SULF1: variants seen among roughly 807,000 people sequenced by gnomAD.
SULF1 encodes extracellular sulfatase Sulf-1.
In SULF1, 46 loss-of-function variants were observed where a neutral mutation model predicts 110.5. The ratio of observed to expected loss-of-function variants is 0.42; its 90% CI spans 0.33 to 0.53. The LOEUF (loss-of-function observed/expected upper bound fraction) is 0.53, where lower values mean the gene tolerates loss of function less well. Among genes scored for constraint, SULF1 ranks in the 20% least tolerant of loss-of-function variants. The pLI is 0.12. For synonymous variants in SULF1, 371 were observed against 387.1 expected, an observed-to-expected ratio of 0.96 and a Z score of 0.49; for missense variants, 941 against 1,094.2, an observed-to-expected ratio of 0.86 and a Z score of 1.98.
chr8:69,583,997 G>C (rs1806267228), intron 6 of SULF1, among the ~76,000 whole-genome samples: 1 of 152,212 alleles, frequency 6.6e-6, no homozygotes. Context: ...TGGAGAGAGG[G>C]ACGATTAACA....
rs529399864 is a variant in SULF1, at chr8:69,555,134, A to C, written c.-133-8405A>C. Among the ~76,000 whole-genome samples, 15 of 152,072 alleles carry C rather than the reference A, an allele frequency of 9.9e-5. No homozygotes were observed. In the South Asian group the frequency reaches 2.7e-3, roughly 27 times the overall value. ...TCCTGTAAGTAATACATTTTGAAAA[A>C]AAAATACAGCTAATCTCCATAATTT... On this transcript the variant is annotated intron_variant, in intron 3 of 22. Transcript: ENST00000402687.
chr8:69,622,195 A>G (rs1809664314), intron 14 of SULF1, among the ~76,000 whole-genome samples: 1 of 152,240 alleles, frequency 6.6e-6, no homozygotes, highest in African/African-American at 2.4e-5. Context: ...GTAAGCCAAA[A>G]TACTAAGAAT....
intron 1 of SULF1, among the ~76,000 whole-genome samples, chr8:69,486,639 G>A (rs751768691): frequency 2.0e-5 from 3 of 152,136 alleles, no homozygotes; most frequent in Admixed American, 6.6e-5. Flanking sequence ...GTTAACTGGC[G>A]TGCAACACCG....
chr8:69,477,243 G>A (rs777348089), intron 1 of SULF1, among the ~76,000 whole-genome samples: 41 of 152,178 alleles, frequency 2.7e-4, no homozygotes, highest in Non-Finnish European at 1.0e-4. Context: ...TTACCTTTTC[G>A]ATGTAAAAAC....
chr8:69,521,841 T>C (rs1175486924), intron 3 of SULF1, among the ~76,000 whole-genome samples: 2 of 110,220 alleles, frequency 1.8e-5, no homozygotes, highest in African/African-American at 6.6e-5. Context: ...TGGGCCAAGG[T>C]AAAAAAAAAA....
At chr8:69,543,511 A>G (rs892395156) in intron 3 of SULF1, among the ~76,000 whole-genome samples, 1 of 152,106 alleles carries the variant, frequency 6.6e-6, no homozygotes, top group South Asian at 2.1e-4. Flanking sequence ...GCTGAGGATA[A>G]TGGTTTCCAG....
In SULF1 at chr8:69,638,621, G is replaced by C; in HGVS notation, c.2404G>C (p.Asp802His). Residue 802 changes from aspartate to histidine, a missense_variant, in exon 20 of 23, where the codon GAT (aspartate) becomes CAT (histidine). Physicochemically the swap from Asp to His is moderately conservative, Grantham distance 81. Coordinates refer to ENST00000402687, the MANE Select transcript of SULF1 (RefSeq NM_001128205.2). Reference protein sequence around the residue: ...EFATGFLEYFDMNTDPYQLTN... With the variant: ...EFATGFLEYFHMNTDPYQLTN... ...TGCTACTGGCTTTTTGGAGTATTTT[G>C]ATATGAATACAGATCCTTATCAGGT... The C allele has an allele frequency of 6.2e-7, 1 of 1,613,578 alleles. No individual in the cohort carries two copies. Among genetic ancestry groups the C allele is most frequent in the East Asian group, 2.2e-5 (1 of 44,862 alleles).
At chr8:69,609,300 C>T (rs1175251870) in intron 13 of SULF1, among the ~76,000 whole-genome samples, 2 of 152,068 alleles carry the variant, frequency 1.3e-5, no homozygotes, top group Non-Finnish European at 2.9e-5. Context: ...GAGCCGTGAT[C>T]GTGCCACTGC....
chr8:69,621,126 G>T lies in SULF1; in HGVS notation c.1469G>T (p.Arg490Leu). The change falls in exon 14 of 23, where the codon CGG becomes CTG. Residue 490 changes from arginine to leucine, a missense_variant. By Grantham distance (102) the Arg-to-Leu change is moderately radical. Around this residue, in one of 3 missense-constraint regions of SULF1, gnomAD observed 822 missense variants for 934.3 expected, o/e 0.88. Transcript: ENST00000402687. ...SDLLTVRQSTRNLYARGFHDK... is the reference protein window; with the variant it reads ...SDLLTVRQSTLNLYARGFHDK... ...CTGCTCACAGTCCGGCAGAGCACGC[G>T]GAACCTCTACGCTCGCGGCTTCCAT... The T allele has an allele frequency of 1.2e-6, 2 of 1,614,090 alleles. No individual in the cohort carries two copies. The highest frequency in any genetic ancestry group is 1.1e-5 in the South Asian group (1 of 91,078).
intron 3 of SULF1, among the ~76,000 whole-genome samples, chr8:69,557,898 G>A (rs753921083): frequency 3.9e-5 from 6 of 152,192 alleles, no homozygotes; most frequent in Non-Finnish European, 8.8e-5. Context: ...GTCATTGTTT[G>A]TTGGAAGAGG....
chr8:69,497,840 C>A (rs1810475597), intron 2 of SULF1, among the ~76,000 whole-genome samples: 1 of 152,078 alleles, frequency 6.6e-6, no homozygotes, highest in Admixed American at 6.6e-5. Flanking sequence ...AACACACTGA[C>A]ACAGAGAGCA....
chr8:69,578,688 G>A (rs914346394), intron 6 of SULF1, among the ~76,000 whole-genome samples: 2 of 152,034 alleles, frequency 1.3e-5, no homozygotes, highest in African/African-American at 4.8e-5. Flanking sequence ...AGCCCGAGAA[G>A]TTTGTTTCAG....
At position 69,637,021 on chromosome 8, in the gene SULF1, A is replaced by G. The variant is rs573065747; in HGVS notation, c.2285-1481A>G. ...ACTGAGCTGTTCATCGCACGTCACA[A>G]TCTGATTAAGAAATGGTTCGTTGTT... is the stretch of plus-strand genomic sequence containing the variant. On this transcript the variant is annotated intron_variant, in intron 19 of 22. Coordinates refer to ENST00000402687, the MANE Select transcript of SULF1 (RefSeq NM_001128205.2). Among the ~76,000 whole-genome samples, 43 of 152,260 alleles carry G rather than the reference A, an allele frequency of 2.8e-4. No homozygotes were observed. In the South Asian group the frequency reaches 8.9e-3, roughly 32 times the overall value.
chr8:69,656,660 T>C (rs1420204566), intron 22 of SULF1, among the ~76,000 whole-genome samples: 1 of 152,210 alleles, frequency 6.6e-6, no homozygotes, highest in Non-Finnish European at 1.5e-5. Flanking sequence ...TCTCATTCCT[T>C]TTTATGGCTG....
At chr8:69,637,334 C>G (rs1192771173) in intron 19 of SULF1, among the ~76,000 whole-genome samples, 2 of 152,188 alleles carry the variant, frequency 1.3e-5, no homozygotes, top group African/African-American at 2.4e-5. Flanking sequence ...TGAACCACCA[C>G]TCCACTGTAT....
intron 3 of SULF1, among the ~76,000 whole-genome samples, chr8:69,533,590 G>A (rs12674484): frequency 0.092 from 14,036 of 152,024 alleles, 1,250 homozygotes; most frequent in East Asian, 0.41. Flanking sequence ...ATCTCATTCC[G>A]TTTTATGGCT....
At chr8:69,590,497 A>T (rs533025862) in intron 8 of SULF1, among the ~76,000 whole-genome samples, 8 of 152,212 alleles carry the variant, frequency 5.3e-5, no homozygotes, top group South Asian at 4.2e-4. Context: ...CCTTAATGTA[A>T]CTGATTGACT....
In SULF1 at chr8:69,579,907, A is replaced by G. The variant is rs537954977; in HGVS notation, c.412+3698A>G. On this transcript the variant is annotated intron_variant, in intron 6 of 22. Transcript: ENST00000402687. ...ATTTGGAACATTTAGCTACAAACCT[A>G]AGAAAAATAATGACGGAAACTGAAA... Among the ~76,000 whole-genome samples, 16 of 152,342 alleles carry G rather than the reference A, an allele frequency of 1.1e-4. No individual in the cohort carries two copies. The East Asian group carries it at 3.1e-3, about 29-fold the overall frequency.
intron 4 of SULF1, 35 bp from the exon 5 acceptor site, chr8:69,563,881 A>T: frequency 7.8e-7 from 1 of 1,277,332 alleles, no homozygotes; most frequent in Non-Finnish European, 1.1e-6. Context: ...ATTTCATTTT[A>T]GTCTCACCGT....
Sources: gnomAD v4.1 joint callset for allele counts (sites outside exome capture counted in the v4.1 genomes callset) on GRCh38, gnomAD v4.1.1 for gene constraint, gnomAD v4.1.1 regional missense constraint, MANE v1.5 for transcripts, NCBI Gene and HGNC (gene_info 2026-07-23, HGNC 2026-07-21) for gene names.